Variants in BICRA observed in about 807,000 individuals in gnomAD.
The protein encoded by BICRA is BRD4 interacting chromatin remodeling complex associated protein, also known as BRD4-interacting chromatin-remodeling complex-associated protein.
Under a neutral mutation model 96.9 loss-of-function variants are expected in BICRA, and 31 were observed. The observed-to-expected ratio is 0.32, with a 90% confidence interval of 0.24 to 0.43. The LOEUF (loss-of-function observed/expected upper bound fraction) is 0.43. Among genes scored for constraint, BICRA ranks in the 20% least tolerant of loss-of-function variants. BICRA has a pLI of 1.00. For synonymous variants in BICRA, 1,350 were observed against 1,071.8 expected, an observed-to-expected ratio of 1.26 and a Z score of -5.07; for missense variants, 2,283 against 2,190.3, an observed-to-expected ratio of 1.04 and a Z score of -0.84.
At chr19:47,684,940 T>TAA (rs1215409672) in intron 7 of BICRA, among the ~76,000 whole-genome samples, 4 of 152,094 alleles carry the variant, frequency 2.6e-5, no homozygotes, top group Non-Finnish European at 5.9e-5. Flanking sequence ...AACAGACACT[T>TAA]ACTGTTAGCA....
intron 1 of BICRA, 44 bp from the exon 2 acceptor site, chr19:47,670,399 C>T (rs1031310237): frequency 4.6e-5 from 7 of 152,272 alleles, no homozygotes; most frequent in African/African-American, 1.2e-4. Context: ...TTTTCCTTTT[C>T]GCTGACTTTC....
Position 47,667,908 on chromosome 19 carries a change from C to T in BICRA, c.-107-2535C>T, listed in dbSNP as rs547067539. ...TGTTGGGTAGTGGTGAAGGGCGAGG[C>T]CTCTGCAGTGAGCCTGCCTGGGCTG... is the stretch of plus-strand genomic sequence containing the variant. On this transcript the variant is annotated intron_variant, in intron 1 of 14. Coordinates refer to ENST00000594866, the MANE Select transcript of BICRA (RefSeq NM_001394372.1). Among the ~76,000 whole-genome samples the T allele has an allele frequency of 4.6e-5, 7 of 152,230 alleles. No homozygotes were observed. The South Asian group carries it at 1.0e-3, about 23-fold the overall frequency.
intron 1 of BICRA, among the ~76,000 whole-genome samples, chr19:47,643,359 C>T (rs776792220): frequency 3.3e-4 from 50 of 152,206 alleles, no homozygotes; most frequent in Non-Finnish European, 5.0e-4. Context: ...TCTGGGGCCC[C>T]GGTGTGCTGC....
intron 1 of BICRA, among the ~76,000 whole-genome samples, chr19:47,665,244 C>T (rs192327239): frequency 2.0e-5 from 3 of 152,288 alleles, no homozygotes; most frequent in Admixed American, 6.5e-5. Context: ...AGCAGGTTGC[C>T]TCTTGAATAA....
chr19:47,609,375 C>T (rs1269472674), intron 1 of BICRA, among the ~76,000 whole-genome samples: 1 of 82,584 alleles, frequency 1.2e-5, no homozygotes, highest in Non-Finnish European at 2.4e-5. Context: ...CCCGCTGCCT[C>T]CTTTTTTTTT....
chr19:47,701,578 C>A lies in BICRA; in HGVS notation c.3846C>A (p.Asp1282Glu), dbSNP rs975175840. 20 of 1,553,760 alleles carry A rather than the reference C, an allele frequency of 1.3e-5. No homozygotes were observed. Among genetic ancestry groups the A allele is most frequent in the Non-Finnish European group, 1.7e-5 (20 of 1,149,480 alleles). Residue 1282 changes from aspartate (D) to glutamate (E), a missense_variant, in exon 15 of 15, where the codon GAC becomes GAA. Transcript: ENST00000594866. The surrounding 1 kb of genome is among the most constrained non-coding windows in gnomAD (Gnocchi z 5.4). ...SSSSSAASSL[D>E]ADEDGPMPSR... Reference sequence around the variant, plus strand: ...CCTCCTCTGCCGCCTCCTCCTTGGACGCCGACGAGGACGGCCCCATGCCCT... The same window carrying A: ...CCTCCTCTGCCGCCTCCTCCTTGGAAGCCGACGAGGACGGCCCCATGCCCT...
chr19:47,647,234 T>C (rs1021297423), intron 1 of BICRA, among the ~76,000 whole-genome samples: 2 of 152,140 alleles, frequency 1.3e-5, no homozygotes, highest in Admixed American at 1.3e-4. Flanking sequence ...CTGTTCTGAA[T>C]GATGCCGTAT....
Position 47,681,060 on chromosome 19 carries a change from G to A in BICRA, c.1890G>A (p.Ala630=), listed in dbSNP as rs1442342146. 18 of 1,397,564 alleles carry A rather than the reference G, an allele frequency of 1.3e-5. No individual in the cohort carries two copies. In the East Asian group the frequency reaches 2.7e-4, roughly 21 times the overall value. The allele number at this position is 1,397,564 out of a possible 1,614,324, so 86.6% of individuals were successfully genotyped here. ...TVQPAPQAPP[A]VSTPLPLGLQ... is the part of the protein sequence containing the mutation. Reference sequence around the variant, plus strand: ...AGCCTGCCCCCCAGGCGCCCCCCGCGGTCAGCACACCCCTGCCCCTGGGCC... The same window carrying A: ...AGCCTGCCCCCCAGGCGCCCCCCGCAGTCAGCACACCCCTGCCCCTGGGCC... The change falls in exon 6 of 15, where the codon GCG becomes GCA. Residue 630 remains alanine, a synonymous_variant. Transcript: ENST00000594866.
In BICRA at chr19:47,702,458, G is replaced by T. The variant is rs749173835; in HGVS notation, c.*43G>T. 7 of 1,431,094 alleles carry T rather than the reference G, an allele frequency of 4.9e-6. No individual in the cohort carries two copies. The East Asian group carries it at 1.7e-4, about 35-fold the overall frequency. The allele number at this position is 1,431,094 out of a possible 1,614,324, so 88.6% of individuals were successfully genotyped here. A position where few individuals can be genotyped will look rare whatever the true frequency, so the allele number is the denominator to read the frequency against. ...TTCCCCGTCCCCTCCTCCCGAAGACGCCGGGACAGTCGGGTGTCCGCCCTC... is the reference window on the plus strand; with the variant it reads ...TTCCCCGTCCCCTCCTCCCGAAGACTCCGGGACAGTCGGGTGTCCGCCCTC... On this transcript the variant is annotated 3_prime_UTR_variant, in exon 15 of 15. Coordinates refer to ENST00000594866, the MANE Select transcript of BICRA (RefSeq NM_001394372.1).
chr19:47,612,011 C>T (rs1360792940), intron 1 of BICRA, among the ~76,000 whole-genome samples: 2 of 151,992 alleles, frequency 1.3e-5, no homozygotes, highest in Non-Finnish European at 1.5e-5. Context: ...GCTGGGATTA[C>T]AGGCACCCAC....
At chr19:47,630,636 C>A (rs1972208690) in intron 1 of BICRA, among the ~76,000 whole-genome samples, 1 of 152,132 alleles carries the variant, frequency 6.6e-6, no homozygotes, top group Non-Finnish European at 1.5e-5. Context: ...GATGGATAGA[C>A]CACATTTGGT....
At chr19:47,660,839 C>T (rs974944744) in intron 1 of BICRA, among the ~76,000 whole-genome samples, 4 of 152,156 alleles carry the variant, frequency 2.6e-5, no homozygotes. Context: ...TTTTTGGCCT[C>T]AGTCTCCTCA....
intron 1 of BICRA, among the ~76,000 whole-genome samples, chr19:47,657,923 T>TCTCC (rs1308251632): frequency 6.6e-6 from 1 of 150,620 alleles, no homozygotes; most frequent in Admixed American, 6.6e-5. Flanking sequence ...TTATACTCTC[T>TCTCC]CTCTCTCGTT....
At chr19:47,617,409 A>T (rs1253778412) in intron 1 of BICRA, among the ~76,000 whole-genome samples, 3 of 150,712 alleles carry the variant, frequency 2.0e-5, no homozygotes, top group Non-Finnish European at 4.4e-5. Flanking sequence ...TGTCACCCAG[A>T]CTGGAGTGTA....
chr19:47,623,575 A>G (rs1972096024), intron 1 of BICRA, among the ~76,000 whole-genome samples: 2 of 152,280 alleles, frequency 1.3e-5, no homozygotes, highest in South Asian at 2.1e-4. Context: ...CCTCCAGCAC[A>G]AATAGCCGGT....
intron 1 of BICRA, among the ~76,000 whole-genome samples, chr19:47,629,236 C>T (rs894954421): frequency 1.3e-5 from 2 of 152,048 alleles, no homozygotes; most frequent in African/African-American, 4.8e-5. Flanking sequence ...ATCTCCTGAC[C>T]TCATGATCCA....
At chr19:47,649,693 G>T (rs1972514805) in intron 1 of BICRA, among the ~76,000 whole-genome samples, 1 of 152,202 alleles carries the variant, frequency 6.6e-6, no homozygotes, top group Non-Finnish European at 1.5e-5. Context: ...GGTCAGATTT[G>T]TGGGGAAACA....
rs956860826 is a variant in BICRA at position 47,635,274 on chromosome 19, G to T, written c.-108+26106G>T. ...ATTTTTTTTTTTTTTTTGAGACCGGGTCTGGCTCTGTCGCCCAGGCTGGAG... is the reference window on the plus strand; with the variant it reads ...ATTTTTTTTTTTTTTTTGAGACCGGTTCTGGCTCTGTCGCCCAGGCTGGAG... On this transcript the variant is annotated intron_variant, in intron 1 of 14. Transcript: ENST00000594866. Among the ~76,000 whole-genome samples the T allele has an allele frequency of 2.9e-4, 44 of 150,266 alleles. 1 individual carries two copies. Among genetic ancestry groups the T allele is most frequent in the African/African-American group, 1.1e-3 (43 of 40,902 alleles).
chr19:47,694,083 G>GCCCCCCCCCC, intron 7 of BICRA, 32 bp from the exon 8 acceptor site: 1 of 1,093,876 alleles, frequency 9.1e-7, no homozygotes, highest in Non-Finnish European at 1.2e-6. Context: ...TCTGACCCCC[G>GCCCCCCCCCC]CCCCTCCCCT....
Sources: allele counts gnomAD v4.1 joint callset (sites outside exome capture counted in the v4.1 genomes callset), GRCh38; gene constraint gnomAD v4.1.1; non-coding constraint Gnocchi (gnomAD v3.1); transcripts MANE v1.5; gene names NCBI Gene and HGNC (gene_info 2026-07-23, HGNC 2026-07-21).